The following ZNF232 variants were observed in gnomAD, a reference collection of about 807,000 sequenced individuals.
The protein encoded by ZNF232 is zinc finger and SCAN domain-containing protein 11.
In ZNF232, 25 loss-of-function variants were observed where a neutral mutation model predicts 25.2. That is an observed-to-expected ratio of 0.99 (90% CI 0.72 to 1.39). The LOEUF (loss-of-function observed/expected upper bound fraction) is 1.39. Among genes scored for constraint, ZNF232 ranks in the 40% most tolerant of loss-of-function variants. ZNF232 has a pLI of 0.00. For synonymous variants in ZNF232, 193 were observed against 182.9 expected (o/e 1.06, Z -0.45); for missense variants, 519 against 520.9 (o/e 1.00, Z 0.04).
intron 1 of ZNF232, 79 bp downstream of exon 1, chr17:5,111,721 G>C (rs1362640584): frequency 6.2e-7 from 1 of 1,608,758 alleles, no homozygotes; most frequent in Non-Finnish European, 8.5e-7. Context: ...CCTGCTCACT[G>C]CAGAGCCGCC....
At chr17:5,115,686 T>C (rs1351225981), upstream of ZNF232, among the ~76,000 whole-genome samples, 1 of 151,920 alleles carries the variant, frequency 6.6e-6, no homozygotes, top group African/African-American at 2.4e-5. Flanking sequence ...CCCGGAGAAA[T>C]TTCGTTTTTA....
At chr17:5,109,184 C>A in intron 2 of ZNF232, 132 bp from the exon 3 acceptor site, 1 of 1,384,490 alleles carries the variant, frequency 7.2e-7, no homozygotes, top group Non-Finnish European at 1.0e-6. Flanking sequence ...AGAGAGCCTC[C>A]TCAGAGTCAG....
chr17:5,106,396 T>C (rs557429389), exon 4 of ZNF232: 3 of 1,614,230 alleles, frequency 1.9e-6, no homozygotes, highest in East Asian at 2.2e-5. Context: ...GCTTCAAATG[T>C]AGAGGTGTCA....
upstream of ZNF232, among the ~76,000 whole-genome samples, chr17:5,115,237 TTTAA>T (rs1417895456): frequency 4.6e-5 from 7 of 151,920 alleles, no homozygotes; most frequent in Non-Finnish European, 7.4e-5. Flanking sequence ...GCCTCTGACT[TTTAA>T]TTGAGTTATT....
At chr17:5,117,977 G>T (rs2143686709) in intron 1 of ZNF232, among the ~76,000 whole-genome samples, 1 of 151,750 alleles carries the variant, frequency 6.6e-6, no homozygotes, top group African/African-American at 2.4e-5. Context: ...GCTGAGGCAG[G>T]AGAATCACTT....
intron 1 of ZNF232, chr17:5,120,929 C>T (rs530390628): frequency 1.2e-4 from 55 of 454,504 alleles, no homozygotes; most frequent in East Asian, 4.2e-4. Context: ...CTCATGATTT[C>T]GATGTAAAAT....
upstream of ZNF232, among the ~76,000 whole-genome samples, chr17:5,115,400 A>G (rs1454604987): frequency 1.3e-5 from 2 of 151,808 alleles, no homozygotes; most frequent in Admixed American, 6.5e-5. Flanking sequence ...AAAAATACAA[A>G]ATTAGCCTGG....
chr17:5,119,884 G>A (rs1302718899), intron 1 of ZNF232, among the ~76,000 whole-genome samples: 2 of 152,154 alleles, frequency 1.3e-5, no homozygotes, highest in Admixed American at 6.5e-5. Context: ...ATTTATCTAC[G>A]GCTGCACAGG....
At chr17:5,120,462 G>T (rs1276720008) in intron 1 of ZNF232, among the ~76,000 whole-genome samples, 1 of 152,146 alleles carries the variant, frequency 6.6e-6, no homozygotes, top group Non-Finnish European at 1.5e-5. Context: ...TTTGAGTAAT[G>T]ACAATATCCA....
rs139242476 is a variant in ZNF232 at position 5,117,034 on chromosome 17, G to C, written c.-529-4683C>G. Among the ~76,000 whole-genome samples, 256 of 152,360 alleles carry C rather than the reference G, an allele frequency of 1.7e-3. 1 individual carries two copies. The highest frequency in any genetic ancestry group is 6.0e-3 in the African/African-American group (251 of 41,580). On this transcript the variant is annotated intron_variant, in intron 1 of 4. Coordinates refer to the ZNF232 transcript ENST00000250076. ...AGGAAGGAAAGGTAAGTACTTTGCA[G>C]AAAGCCTTCCCCAGCTAGGTGAGAC... is the stretch of plus-strand genomic sequence containing the variant.
At chr17:5,109,527 A>T (rs1405596263) in exon 2 of ZNF232, 2 of 1,614,216 alleles carry the variant, frequency 1.2e-6, no homozygotes, top group Admixed American at 3.3e-5. Flanking sequence ...TTCCAGCACC[A>T]GGAACTCCAG....
At chr17:5,122,836 GAGGTCTGTGGCCCCGCGGC>G (rs1371021745) in intron 1 of ZNF232, 8 of 152,346 alleles carry the variant, frequency 5.3e-5, no homozygotes, top group African/African-American at 1.7e-4. Context: ...TGAGCTCTTA[GAGGTCTGTGGCCCCGCGGC>G]GGGGGGTTAT....
chr17:5,121,987 T>A (rs373220946), intron 1 of ZNF232, among the ~76,000 whole-genome samples: 2 of 151,704 alleles, frequency 1.3e-5, no homozygotes, highest in East Asian at 1.9e-4. Flanking sequence ...GATTTGGAGC[T>A]GAAGAGGGGA....
exon 2 of ZNF232, chr17:5,109,575 T>C (rs1281002114): frequency 1.2e-6 from 2 of 1,614,066 alleles, no homozygotes; most frequent in Non-Finnish European, 1.7e-6. Flanking sequence ...CCTCAGCCAC[T>C]CACAGCAGAG....
chr17:5,113,387 T>G (rs1270248230), upstream of ZNF232: 1 of 152,220 alleles, frequency 6.6e-6, no homozygotes, highest in East Asian at 1.9e-4. Context: ...ATTTTACAGA[T>G]GAGAAAACTC....
chr17:5,114,773 T>G (rs2072490159), upstream of ZNF232: 1 of 152,194 alleles, frequency 6.6e-6, no homozygotes. Context: ...GAGGTTGCAG[T>G]GAGCCGAGAT....
chr17:5,115,576 A>ACACACACACACACACACACACACAC (rs1555584331), upstream of ZNF232, among the ~76,000 whole-genome samples: 1 of 150,736 alleles, frequency 6.6e-6, no homozygotes, highest in African/African-American at 2.5e-5. Context: ...ACACACACAC[A>ACACACACACACACACACACACACAC]AAACCCAAAA....
intron 1 of ZNF232, among the ~76,000 whole-genome samples, chr17:5,122,764 C>A (rs1456406703): frequency 6.6e-6 from 1 of 152,258 alleles, no homozygotes; most frequent in Non-Finnish European, 1.5e-5. Context: ...CCCAAACTTC[C>A]CACCTCTCAG....
At chr17:5,122,064 G>A (rs1247849383) in intron 1 of ZNF232, among the ~76,000 whole-genome samples, 1 of 151,968 alleles carries the variant, frequency 6.6e-6, no homozygotes, top group Non-Finnish European at 1.5e-5. Context: ...AGAGGGGTCA[G>A]GGTGGGGCCA....
Sources: allele counts gnomAD v4.1 joint callset (sites outside exome capture counted in the v4.1 genomes callset), GRCh38; gene constraint gnomAD v4.1.1; transcripts MANE v1.5; gene names NCBI Gene and HGNC (gene_info 2026-07-23, HGNC 2026-07-21).